The following PLCG2 variants were observed in gnomAD, a reference collection of about 807,000 sequenced individuals.
PLCG2 encodes the protein phospholipase C gamma 2.
Under a neutral mutation model 175.6 loss-of-function variants are expected in PLCG2, and 69 were observed. The ratio of observed to expected loss-of-function variants is 0.39; its 90% CI spans 0.32 to 0.48. The LOEUF (loss-of-function observed/expected upper bound fraction) is 0.48, where lower values mean the gene tolerates loss of function less well. PLCG2 is among the 20% of genes least tolerant of loss of function. The pLI is 0.91. For missense variants in PLCG2, 1,798 were observed against 1,650.9 expected, an observed-to-expected ratio of 1.09 and a Z score of -1.54; for synonymous variants, 827 against 624.0, an observed-to-expected ratio of 1.33 and a Z score of -4.85.
At chr16:81,907,821 C>T (rs754255662) in intron 16 of PLCG2, 47 bp downstream of exon 16, 8 of 1,421,312 alleles carry the variant, frequency 5.6e-6, no homozygotes, top group Middle Eastern at 4.5e-4. Context: ...CCAGGAACCC[C>T]GAGGACCAGC....
At position 81,889,228 on chromosome 16, in the gene PLCG2, T is replaced by C. The variant is rs764086374; in HGVS notation, c.822T>C (p.Asp274=). The change falls in exon 10 of 33, where the codon GAT becomes GAC. Residue 274 remains aspartate (D), a synonymous_variant. Coordinates refer to ENST00000564138, the MANE Select transcript of PLCG2 (RefSeq NM_002661.5). ...KVRERMTKFI[D]DTMRETAEPF... ...GTGAGCGGATGACAAAGTTCATTGA[T>C]GACACCATGCGTGAAACTGCTGAGC... 5.5e-5 allele frequency: 88 copies of C among 1,607,530 alleles called. No homozygotes were observed. The highest frequency in any genetic ancestry group is 7.1e-5 in the Non-Finnish European group (83 of 1,177,140).
At chr16:81,933,429 C>T (rs1437832275) in intron 25 of PLCG2, among the ~76,000 whole-genome samples, 1 of 152,200 alleles carries the variant, frequency 6.6e-6, no homozygotes, top group Non-Finnish European at 1.5e-5. Flanking sequence ...GGTCTGTAGC[C>T]ACCTCATTGA....
At chr16:81,763,704 T>A (rs77424732) in intron 2 of PLCG2, among the ~76,000 whole-genome samples, 1 of 152,184 alleles carries the variant, frequency 6.6e-6, no homozygotes, top group East Asian at 1.9e-4. Context: ...TGGTGGCTCA[T>A]GCCTGTAATC....
At chr16:81,765,888 C>G (rs1012664063) in intron 2 of PLCG2, among the ~76,000 whole-genome samples, 1 of 152,184 alleles carries the variant, frequency 6.6e-6, no homozygotes, top group Admixed American at 6.5e-5. Flanking sequence ...GGGTTACATA[C>G]TAGGAAAGGG....
At chr16:81,923,625 C>T (rs765338986) in intron 22 of PLCG2, 31 bp downstream of exon 22, 2 of 1,358,918 alleles carry the variant, frequency 1.5e-6, no homozygotes, top group Admixed American at 1.7e-5. Context: ...GGCTGCTCGG[C>T]AGGTGGGCTT....
At chr16:81,790,275 A>AGG (rs1911172434) in intron 2 of PLCG2, among the ~76,000 whole-genome samples, 1 of 152,130 alleles carries the variant, frequency 6.6e-6, no homozygotes, top group South Asian at 2.1e-4. Context: ...TTTGGACTGG[A>AGG]GGGGAGTAGG....
In PLCG2 at chr16:81,894,914, G is replaced by A. The variant is rs1254463615; in HGVS notation, c.1073-893G>A. Among the ~76,000 whole-genome samples, 16 of 152,036 alleles carry A rather than the reference G, an allele frequency of 1.1e-4. No homozygotes were observed. In the East Asian group the frequency reaches 2.7e-3, roughly 26 times the overall value. On this transcript the variant is annotated intron_variant, in intron 12 of 32. Coordinates refer to ENST00000564138, the MANE Select transcript of PLCG2 (RefSeq NM_002661.5). ...AAAATAAATAAATAAAATAAAAAAGGCATCAACTACTGACTTAGGCTCCAG... is the reference window on the plus strand; with the variant it reads ...AAAATAAATAAATAAAATAAAAAAGACATCAACTACTGACTTAGGCTCCAG...
At chr16:81,874,944 A>C (rs1907694203) in intron 7 of PLCG2, among the ~76,000 whole-genome samples, 1 of 52,440 alleles carries the variant, frequency 1.9e-5, no homozygotes, top group Admixed American at 2.2e-4. Flanking sequence ...GCACTATCCT[A>C]TGTGTTTTTT....
At chr16:81,750,388 C>G (rs1909783940) in intron 1 of PLCG2, among the ~76,000 whole-genome samples, 1 of 145,740 alleles carries the variant, frequency 6.9e-6, no homozygotes, top group Non-Finnish European at 1.5e-5. Context: ...CCACTGCACT[C>G]CAGCCTGGGT....
intron 3 of PLCG2, among the ~76,000 whole-genome samples, chr16:81,854,894 G>T (rs1001877336): frequency 1.3e-5 from 2 of 152,130 alleles, no homozygotes; most frequent in Admixed American, 6.5e-5. Context: ...TGATTAGATA[G>T]TTTTAACACT....
At chr16:81,910,384 C>G in intron 17 of PLCG2, 136 bp from the exon 18 acceptor site, 1 of 764,134 alleles carries the variant, frequency 1.3e-6, no homozygotes, top group Non-Finnish European at 2.2e-6. Flanking sequence ...AGCCACTGCG[C>G]CCAGCCTCCT....
intron 9 of PLCG2, among the ~76,000 whole-genome samples, chr16:81,888,450 C>G (rs1292090302): frequency 6.6e-6 from 1 of 152,204 alleles, no homozygotes; most frequent in Non-Finnish European, 1.5e-5. Flanking sequence ...TGGTCTCAAA[C>G]TCCTGAGCTC....
intron 30 of PLCG2, among the ~76,000 whole-genome samples, chr16:81,944,302 T>C (rs914790905): frequency 5.9e-5 from 9 of 152,150 alleles, no homozygotes; most frequent in African/African-American, 2.2e-4. Flanking sequence ...GTTGAAAATA[T>C]TTTTGAAAAC....
chr16:81,914,783 T>C (rs1167335793), intron 19 of PLCG2, among the ~76,000 whole-genome samples: 1 of 152,138 alleles, frequency 6.6e-6, no homozygotes, highest in African/African-American at 2.4e-5. Flanking sequence ...GGGATGTAGT[T>C]GGTGGTTGGT....
intron 22 of PLCG2, among the ~76,000 whole-genome samples, chr16:81,925,781 C>A (rs150014459): frequency 6.6e-6 from 1 of 151,612 alleles, no homozygotes; most frequent in Non-Finnish European, 1.5e-5. Context: ...CAGCTACTGG[C>A]GGGGCTGAGG....
chr16:81,747,921 C>T (rs1232591582), intron 1 of PLCG2, among the ~76,000 whole-genome samples: 1 of 152,050 alleles, frequency 6.6e-6, no homozygotes, highest in African/African-American at 2.4e-5. Context: ...ATCACCCAGG[C>T]TGGAGTGCAG....
intron 2 of PLCG2, among the ~76,000 whole-genome samples, chr16:81,790,074 G>T (rs771632826): frequency 4.6e-5 from 7 of 152,182 alleles, no homozygotes; most frequent in African/African-American, 9.7e-5. Flanking sequence ...CTTATCTGTG[G>T]ACTGGAAATA....
rs77678007 is a variant in PLCG2, at chr16:81,766,102, C to T, written c.-48+10136C>T. On this transcript the variant is annotated intron_variant, in intron 2 of 5. Coordinates refer to the PLCG2 transcript ENST00000565054. ...TGTCTCCTGTCTCCCATCTCTGTGT[C>T]CTGTCTCCTGGAGCTGGTTTGATTT... is the stretch of plus-strand genomic sequence containing the variant. Among the ~76,000 whole-genome samples, 1,245 of 152,306 alleles carry T rather than the reference C, an allele frequency of 8.2e-3. 20 individuals are homozygous for T. Among genetic ancestry groups the T allele is most frequent in the African/African-American group, 0.028 (1,161 of 41,556 alleles).
upstream of PLCG2, among the ~76,000 whole-genome samples, chr16:81,778,776 T>A (rs1205170272): frequency 1.3e-5 from 2 of 152,078 alleles, no homozygotes; most frequent in Non-Finnish European, 2.9e-5. Flanking sequence ...AATTGGCAAT[T>A]CCTGGCGGGT....
Sources: allele counts gnomAD v4.1 joint callset (sites outside exome capture counted in the v4.1 genomes callset), GRCh38; gene constraint gnomAD v4.1.1; transcripts MANE v1.5; gene names NCBI Gene and HGNC (gene_info 2026-07-23, HGNC 2026-07-21).